Variants in PUM3 observed in about 807,000 individuals in gnomAD.
PUM3 encodes pumilio homolog 3.
In PUM3, 91 loss-of-function variants were observed where a neutral mutation model predicts 84.0. That is an observed-to-expected ratio of 1.08 (90% CI 0.91 to 1.29). The LOEUF is 1.29. Ranked by LOEUF, PUM3 falls within the 50% of genes most tolerant of loss-of-function variation. The pLI is 0.00. For missense variants in PUM3, 1,067 were observed against 767.5 expected, an observed-to-expected ratio of 1.39 and a Z score of -4.61; for synonymous variants, 321 against 266.7, an observed-to-expected ratio of 1.20 and a Z score of -1.98.
intron 15 of PUM3, among the ~76,000 whole-genome samples, 154 bp downstream of exon 15, chr9:2,811,207 A>G (rs1821361723): frequency 6.6e-6 from 1 of 152,210 alleles, no homozygotes; most frequent in Admixed American, 6.5e-5. Context: ...AGAGAAAATT[A>G]AAGATGAATG....
chr9:2,836,810 C>CGT lies in PUM3; in HGVS notation c.304+368_304+369dup, dbSNP rs145780551. Among the ~76,000 whole-genome samples the CGT allele has an allele frequency of 1.0e-2, 1,502 of 150,266 alleles. 20 individuals are homozygous for CGT. Among genetic ancestry groups the CGT allele is most frequent in the Middle Eastern group, 0.038 (11 of 290 alleles). On this transcript the variant is annotated intron_variant, in intron 3 of 17. Transcript: ENST00000397885. Reference sequence around the variant, plus strand: ...CTTACTGATTATTTTTGTGTGTGTGCGTGTGTGTGTGTGTGTTTTGCCCTA... The same window carrying CGT: ...CTTACTGATTATTTTTGTGTGTGTGCGTGTGTGTGTGTGTGTGTTTTGCCCTA...
chr9:2,830,175 G>A (rs960234902), intron 7 of PUM3, among the ~76,000 whole-genome samples: 6 of 151,078 alleles, frequency 4.0e-5, no homozygotes, highest in African/African-American at 1.5e-4. Flanking sequence ...CAGGAAAAAA[G>A]ATAAAAGATT....
intron 13 of PUM3, 58 bp downstream of exon 13, chr9:2,819,960 C>A: frequency 8.9e-7 from 1 of 1,123,552 alleles, no homozygotes; most frequent in South Asian, 1.3e-5. Flanking sequence ...ATCAAGCTTA[C>A]ACATCCACAA....
chr9:2,829,847 T>C lies in PUM3; in HGVS notation c.779A>G (p.Asn260Ser). The C allele has an allele frequency of 6.2e-7, 1 of 1,614,192 alleles. No homozygotes were observed. The highest frequency in any genetic ancestry group is 8.5e-7 in the Non-Finnish European group (1 of 1,180,002). ...EASAIVEYAY[N>S]DKAILEQRNM... ...CCTCTGCTCCAAAATGGCTTTGTCATTGTATGCGTACTCCACGATGGCTGA... is the reference window on the plus strand; with the variant it reads ...CCTCTGCTCCAAAATGGCTTTGTCACTGTATGCGTACTCCACGATGGCTGA... The change falls in exon 8 of 18, where the codon AAT becomes AGT. Residue 260 changes from asparagine to serine, a missense_variant. Physicochemically the swap from Asn to Ser is conservative, Grantham distance 46. Transcript: ENST00000397885.
chr9:2,827,006 A>T (rs1815839194), intron 10 of PUM3, 67 bp downstream of exon 10: 2 of 1,193,318 alleles, frequency 1.7e-6, no homozygotes, highest in Admixed American at 4.0e-5. Context: ...ACATCAAAGC[A>T]GTTTTTCAAA....
chr9:2,839,437 A>C (rs760966092), intron 1 of PUM3, among the ~76,000 whole-genome samples: 2 of 152,234 alleles, frequency 1.3e-5, no homozygotes, highest in African/African-American at 2.4e-5. Context: ...GATAAAATAT[A>C]TTTGGGAAAC....
chr9:2,843,697 G>A (rs1586731617), intron 1 of PUM3, among the ~76,000 whole-genome samples: 1 of 149,620 alleles, frequency 6.7e-6, no homozygotes, highest in East Asian at 2.0e-4. Flanking sequence ...TCCTGCCTCA[G>A]CCTCCCAAGT....
intron 12 of PUM3, among the ~76,000 whole-genome samples, chr9:2,822,780 A>G (rs1375984782): frequency 6.7e-6 from 1 of 148,906 alleles, no homozygotes; most frequent in African/African-American, 2.4e-5. Context: ...TATTATAATT[A>G]TGAATTATGA....
At chr9:2,813,775 C>T (rs1305824021) in intron 13 of PUM3, among the ~76,000 whole-genome samples, 1 of 152,142 alleles carries the variant, frequency 6.6e-6, no homozygotes, top group Non-Finnish European at 1.5e-5. Flanking sequence ...GTTCCAAACA[C>T]CATGTTTCTC....
intron 9 of PUM3, chr9:2,828,443 A>G: frequency 2.4e-6 from 1 of 421,314 alleles, no homozygotes; most frequent in East Asian, 4.5e-5. Flanking sequence ...TTGCTTAAAA[A>G]AGCTCATAAA....
intron 12 of PUM3, among the ~76,000 whole-genome samples, chr9:2,821,547 C>T (rs764525550): frequency 1.3e-5 from 2 of 149,490 alleles, no homozygotes; most frequent in African/African-American, 2.5e-5. Context: ...TAATTAAGGA[C>T]AATAATTAAA....
At chr9:2,823,234 T>C (rs892217999) in intron 12 of PUM3, among the ~76,000 whole-genome samples, 1 of 152,072 alleles carries the variant, frequency 6.6e-6, no homozygotes, top group African/African-American at 2.4e-5. Context: ...AAAAAACTTT[T>C]GTACCTATGA....
At chr9:2,842,788 T>C (rs1404644148) in intron 1 of PUM3, among the ~76,000 whole-genome samples, 1 of 152,172 alleles carries the variant, frequency 6.6e-6, no homozygotes, top group East Asian at 1.9e-4. Context: ...CCTTAATATG[T>C]CCAAAACATA....
At chr9:2,817,199 C>T (rs184218558) in intron 13 of PUM3, among the ~76,000 whole-genome samples, 2 of 152,270 alleles carry the variant, frequency 1.3e-5, no homozygotes, top group Admixed American at 6.5e-5. Flanking sequence ...CCTAAACATC[C>T]ATCACCAGGA....
chr9:2,830,964 A>G lies in PUM3; in HGVS notation c.675T>C (p.Tyr225=). 1.4e-6 allele frequency: 2 copies of G among 1,425,232 alleles called. No homozygotes were observed. Among genetic ancestry groups the G allele is most frequent in the Non-Finnish European group, 2.0e-6 (2 of 1,017,172 alleles). 88.3% of individuals were successfully genotyped at this position (1,425,232 alleles called of 1,614,324 possible). A position where few individuals can be genotyped will look rare whatever the true frequency, so the allele number is the denominator to read the frequency against. ...SRNIVKKFLM[Y]GSKPQIAEII... Reference sequence around the variant, plus strand: ...ATTTTATACATAAAACAACTTACCCATACATGAGAAATTTCTTAACAATAT... The same window carrying G: ...ATTTTATACATAAAACAACTTACCCGTACATGAGAAATTTCTTAACAATAT... Residue 225 remains tyrosine (Y), a splice_region_variant and synonymous_variant, in exon 7 of 18, where the codon TAT becomes TAC. Transcript: ENST00000397885.
chr9:2,806,048 C>T (rs1821251744), intron 17 of PUM3, among the ~76,000 whole-genome samples: 1 of 152,198 alleles, frequency 6.6e-6, no homozygotes. Context: ...ATTTCCTCTG[C>T]TCCTGTTCCA....
At chr9:2,823,300 A>G (rs963616372) in intron 12 of PUM3, among the ~76,000 whole-genome samples, 1 of 152,098 alleles carries the variant, frequency 6.6e-6, no homozygotes, top group Non-Finnish European at 1.5e-5. Context: ...TTTAACAACT[A>G]AAAATTTCCA....
Position 2,840,725 on chromosome 9 carries a change from G to A in PUM3, c.-10-2208C>T, listed in dbSNP as rs1166950667. 2.0e-5 allele frequency among the ~76,000 whole-genome samples: 3 copies of A among 152,198 alleles called. No individual in the cohort carries two copies. In the South Asian group the frequency reaches 6.2e-4, roughly 31 times the overall value. ...CAGGTTGCTTCTGTGTCCTTTTGAC[G>A]CGGCCCAACTGTTTTGTTTTGCTTT... is the stretch of plus-strand genomic sequence containing the variant. On this transcript the variant is annotated intron_variant, in intron 1 of 17. Coordinates refer to ENST00000397885, the MANE Select transcript of PUM3 (RefSeq NM_014878.5).
chr9:2,811,690 C>T, intron 14 of PUM3, 107 bp from the exon 15 acceptor site: 3 of 701,252 alleles, frequency 4.3e-6, no homozygotes, highest in Admixed American at 2.6e-5. Flanking sequence ...GTATCGCACT[C>T]TATTATTATT....
Sources: gnomAD v4.1 joint callset for allele counts (sites outside exome capture counted in the v4.1 genomes callset) on GRCh38, gnomAD v4.1.1 for gene constraint, MANE v1.5 for transcripts, NCBI Gene and HGNC (gene_info 2026-07-23, HGNC 2026-07-21) for gene names.